PSD3: variants seen among roughly 807,000 people sequenced by gnomAD.
PSD3 encodes the protein PH and SEC7 domain-containing protein 3.
In PSD3, 49 loss-of-function variants were observed where a neutral mutation model predicts 105.5. The ratio of observed to expected loss-of-function variants is 0.46; its 90% CI spans 0.37 to 0.59. The LOEUF (loss-of-function observed/expected upper bound fraction) is 0.59, where lower values mean the gene tolerates loss of function less well. Ranked by LOEUF, PSD3 falls within the 20% of genes least tolerant of loss-of-function variation. The pLI is 0.00. For synonymous variants in PSD3, 557 were observed against 457.8 expected, an observed-to-expected ratio of 1.22 and a Z score of -2.77; for missense variants, 1,561 against 1,263.8, an observed-to-expected ratio of 1.24 and a Z score of -3.57.
chr8:18,959,525 G>A (rs188862316), intron 1 of PSD3, among the ~76,000 whole-genome samples: 16 of 152,076 alleles, frequency 1.1e-4, no homozygotes, highest in Admixed American at 6.5e-5. Context: ...CTCTCTCATT[G>A]CTCACGACAC....
At chr8:18,860,259 C>G (rs1382695700) in intron 4 of PSD3, among the ~76,000 whole-genome samples, 1 of 151,840 alleles carries the variant, frequency 6.6e-6, no homozygotes, top group Non-Finnish European at 1.5e-5. Flanking sequence ...GTTTATGGGG[C>G]CCCAAAACAA....
chr8:19,084,103 T>C (rs754419684), intron 1 of PSD3: 55 of 364,188 alleles, frequency 1.5e-4, no homozygotes, highest in Non-Finnish European at 2.5e-4. Context: ...GTGGCCCATC[T>C]AAGCAGAGGA....
chr8:18,651,980 A>G (rs1046552398), intron 10 of PSD3, among the ~76,000 whole-genome samples: 40 of 152,186 alleles, frequency 2.6e-4, no homozygotes, highest in African/African-American at 9.2e-4. Context: ...CAAACACTAT[A>G]AATGCCTGAA....
At chr8:18,616,867 C>G (rs976099535) in intron 11 of PSD3, among the ~76,000 whole-genome samples, 1 of 151,728 alleles carries the variant, frequency 6.6e-6, no homozygotes, top group Non-Finnish European at 1.5e-5. Flanking sequence ...TCGTGATCCG[C>G]CCGCCTCGGC....
intron 1 of PSD3, among the ~76,000 whole-genome samples, chr8:19,041,610 C>T (rs1828126438): frequency 1.3e-5 from 2 of 152,218 alleles, no homozygotes; most frequent in South Asian, 4.1e-4. Context: ...ATCTCTTGCA[C>T]TTACCTGGGT....
intron 1 of PSD3, among the ~76,000 whole-genome samples, chr8:18,957,236 T>C (rs571751962): frequency 6.0e-4 from 91 of 152,026 alleles, no homozygotes; most frequent in Non-Finnish European, 9.0e-4. Flanking sequence ...CTGGGCATGG[T>C]GGCGCGCGCC....
intron 4 of PSD3, among the ~76,000 whole-genome samples, chr8:18,834,389 A>T (rs910370347): frequency 1.3e-5 from 2 of 152,206 alleles, no homozygotes; most frequent in African/African-American, 4.8e-5. Flanking sequence ...GAGAAAGATT[A>T]ATACAACAAA....
intron 1 of PSD3, among the ~76,000 whole-genome samples, chr8:18,984,519 A>AT (rs1042449350): frequency 1.3e-5 from 2 of 152,174 alleles, no homozygotes; most frequent in Non-Finnish European, 2.9e-5. Context: ...GCAGTAATAC[A>AT]TTTTTTAAAG....
intron 9 of PSD3, among the ~76,000 whole-genome samples, chr8:18,714,765 C>A (rs943022812): frequency 5.3e-5 from 8 of 152,194 alleles, no homozygotes; most frequent in African/African-American, 1.7e-4. Flanking sequence ...TTTAATCTAG[C>A]AATCCCATTA....
rs78968157 is a variant in PSD3, at chr8:18,993,267, C to T, written c.21+20296G>A. Among the ~76,000 whole-genome samples, 246 of 152,264 alleles carry T rather than the reference C, an allele frequency of 1.6e-3. 4 individuals carry two copies. The East Asian group carries it at 0.043, about 27-fold the overall frequency. ...CTATTACGTCCACTAAGTCTTCTCT[C>T]CTTAGGTTAAAGATCACAGTTCTAT... On this transcript the variant is annotated intron_variant, in intron 1 of 15. Transcript: ENST00000327040.
intron 1 of PSD3, among the ~76,000 whole-genome samples, chr8:18,996,961 T>C (rs11783241): frequency 0.34 from 51,622 of 151,486 alleles, 9,161 homozygotes; most frequent in East Asian, 0.39. Context: ...CTTGAAGTGG[T>C]TTTTTCACAT....
intron 2 of PSD3, among the ~76,000 whole-genome samples, chr8:18,916,937 A>G (rs1243565180): frequency 1.3e-5 from 2 of 152,106 alleles, no homozygotes; most frequent in Non-Finnish European, 2.9e-5. Flanking sequence ...TTTTTAAATA[A>G]TATAAAATCT....
chr8:18,539,608 C>A (rs544756911), intron 15 of PSD3, among the ~76,000 whole-genome samples: 1 of 143,722 alleles, frequency 7.0e-6, no homozygotes, highest in Admixed American at 7.2e-5. Flanking sequence ...AGGGCAGTGG[C>A]GCGATCTCGG....
chr8:18,695,062 G>C (rs1801186665), intron 9 of PSD3, among the ~76,000 whole-genome samples: 1 of 152,018 alleles, frequency 6.6e-6, no homozygotes. Context: ...ATTCTCTAGG[G>C]GTAAAACTAC....
chr8:18,852,530 C>T (rs1342889081), intron 4 of PSD3, among the ~76,000 whole-genome samples: 1 of 152,158 alleles, frequency 6.6e-6, no homozygotes, highest in Non-Finnish European at 1.5e-5. Flanking sequence ...ATTTATGAAA[C>T]TGACATGCCC....
chr8:18,854,443 C>G (rs1332538040), intron 4 of PSD3: 1 of 152,220 alleles, frequency 6.6e-6, no homozygotes, highest in African/African-American at 2.4e-5. Context: ...TAGTTTAACT[C>G]TTTAAGAGCC....
intron 9 of PSD3, among the ~76,000 whole-genome samples, chr8:18,764,566 C>T (rs929676166): frequency 6.6e-6 from 1 of 152,112 alleles, no homozygotes; most frequent in Non-Finnish European, 1.5e-5. Flanking sequence ...CTTTCCAAAT[C>T]TGGCAGAACT....
At chr8:18,816,040 T>C (rs1812195026) in intron 4 of PSD3, among the ~76,000 whole-genome samples, 1 of 152,220 alleles carries the variant, frequency 6.6e-6, no homozygotes, top group African/African-American at 2.4e-5. Context: ...CCTGCTTTCA[T>C]CTCTTTAAAA....
intron 6 of PSD3, among the ~76,000 whole-genome samples, chr8:18,803,900 T>C (rs1049616777): frequency 7.9e-5 from 12 of 152,206 alleles, no homozygotes; most frequent in African/African-American, 2.6e-4. Context: ...ATGCCACTCA[T>C]TGTATACCTA....
Sources: allele counts gnomAD v4.1 joint callset (sites outside exome capture counted in the v4.1 genomes callset), GRCh38; gene constraint gnomAD v4.1.1; transcripts MANE v1.5; gene names NCBI Gene and HGNC (gene_info 2026-07-23, HGNC 2026-07-21).